The following PCDH15 variants were observed in gnomAD, a reference collection of about 807,000 sequenced individuals.
PCDH15 encodes the protein protocadherin-15.
A neutral mutation model predicts 178.5 loss-of-function variants in PCDH15; 129 were observed. The observed-to-expected ratio is 0.72, with a 90% confidence interval of 0.63 to 0.84. The LOEUF (loss-of-function observed/expected upper bound fraction) is 0.84, where lower values mean the gene tolerates loss of function less well. PCDH15 is among the 40% of genes least tolerant of loss of function. PCDH15 has a pLI of 0.00. For synonymous variants in PCDH15, 800 were observed against 732.0 expected (o/e 1.09, Z -1.50); for missense variants, 2,230 against 2,099.9 (o/e 1.06, Z -1.21).
intron 21 of PCDH15, among the ~76,000 whole-genome samples, chr10:53,963,905 C>T (rs1370780195): frequency 6.6e-6 from 1 of 152,106 alleles, no homozygotes; most frequent in Non-Finnish European, 1.5e-5. Flanking sequence ...CTGCTTAAAC[C>T]CTTCCAATGA....
intron 2 of PCDH15, among the ~76,000 whole-genome samples, chr10:55,403,411 C>T (rs1838121545): frequency 6.6e-6 from 1 of 151,350 alleles, no homozygotes; most frequent in Non-Finnish European, 1.5e-5. Context: ...CTTTTTATTA[C>T]CTGTTTATTT....
intron 2 of PCDH15, among the ~76,000 whole-genome samples, chr10:55,472,465 CTTTTTTTTTTTT>C (rs71014493): frequency 2.0e-5 from 2 of 99,770 alleles, no homozygotes; most frequent in African/African-American, 3.7e-5. Context: ...TTTGAATTAG[CTTTTTTTTTTTT>C]TTTTTTTTTT....
intron 2 of PCDH15, among the ~76,000 whole-genome samples, chr10:55,359,144 T>A (rs1845155419): frequency 6.6e-6 from 1 of 151,976 alleles, no homozygotes; most frequent in East Asian, 1.9e-4. Flanking sequence ...CTGCTGTGAG[T>A]TAGGGTGGCA....
chr10:54,781,997 G>A (rs887788639), intron 1 of PCDH15, among the ~76,000 whole-genome samples: 2 of 152,078 alleles, frequency 1.3e-5, no homozygotes, highest in African/African-American at 2.4e-5. Flanking sequence ...AATTCAAATA[G>A]GCTTGTAAGT....
At position 54,345,098 on chromosome 10, in the gene PCDH15, T is replaced by C. The variant is rs1943026774; in HGVS notation, c.594+1267A>G. On this transcript the variant is annotated intron_variant, in intron 6 of 37. Transcript: ENST00000644397. ...GAAACTGGATTTTACAGTTCAGAAG[T>C]AGTTTTCTAATATGACCCAAATCAC... is the stretch of plus-strand genomic sequence containing the variant. Among the ~76,000 whole-genome samples the C allele has an allele frequency of 2.0e-5, 3 of 151,724 alleles. No homozygotes were observed. In the South Asian group the frequency reaches 6.2e-4, roughly 31 times the overall value.
At chr10:54,999,717 C>G (rs944344851) in intron 2 of PCDH15, among the ~76,000 whole-genome samples, 1 of 152,142 alleles carries the variant, frequency 6.6e-6, no homozygotes, top group South Asian at 2.1e-4. Flanking sequence ...GAAAATTCAG[C>G]CAGATATCGG....
At chr10:55,171,309 T>C (rs1839326086) in intron 1 of PCDH15, among the ~76,000 whole-genome samples, 1 of 152,236 alleles carries the variant, frequency 6.6e-6, no homozygotes, top group Non-Finnish European at 1.5e-5. Context: ...TTTCACCAGC[T>C]TAGGCCTAAA....
chr10:54,475,480 C>T (rs1399714420), intron 3 of PCDH15, among the ~76,000 whole-genome samples: 1 of 151,940 alleles, frequency 6.6e-6, no homozygotes. Flanking sequence ...ACAGATTATG[C>T]ATGTAAAGCA....
At chr10:53,913,935 C>T (rs1252774726) in intron 25 of PCDH15, among the ~76,000 whole-genome samples, 5 of 151,970 alleles carry the variant, frequency 3.3e-5, no homozygotes, top group East Asian at 1.9e-4. Context: ...CAAACAACAC[C>T]GTCAAAAAGT....
At chr10:54,350,208 A>T (rs1370552050) in intron 5 of PCDH15, among the ~76,000 whole-genome samples, 12 of 152,172 alleles carry the variant, frequency 7.9e-5, no homozygotes, top group African/African-American at 2.9e-4. Flanking sequence ...TCTTTCATTC[A>T]TGGCTGTCTT....
At chr10:54,161,511 A>C (rs2045708566) in intron 13 of PCDH15, among the ~76,000 whole-genome samples, 2 of 152,058 alleles carry the variant, frequency 1.3e-5, no homozygotes, top group Admixed American at 1.3e-4. Flanking sequence ...CAACTGTCTA[A>C]ATTTACTAAA....
intron 2 of PCDH15, among the ~76,000 whole-genome samples, chr10:54,614,496 T>C (rs919615047): frequency 1.1e-4 from 16 of 152,018 alleles, no homozygotes; most frequent in African/African-American, 3.9e-4. Context: ...CTTTATCCCT[T>C]TGGAAGTTTT....
intron 1 of PCDH15, among the ~76,000 whole-genome samples, chr10:55,311,427 G>A (rs1843584329): frequency 6.6e-6 from 1 of 152,164 alleles, no homozygotes; most frequent in Non-Finnish European, 1.5e-5. Flanking sequence ...CTTGAATACA[G>A]TGATTACATC....
chr10:53,848,809 T>C (rs556696580), intron 28 of PCDH15, among the ~76,000 whole-genome samples: 1 of 152,180 alleles, frequency 6.6e-6, no homozygotes, highest in South Asian at 2.1e-4. Context: ...ATTTCTTTAA[T>C]GTATCTTTCG....
intron 3 of PCDH15, among the ~76,000 whole-genome samples, chr10:54,881,484 G>A (rs1011840706): frequency 2.0e-5 from 3 of 151,924 alleles, no homozygotes; most frequent in Non-Finnish European, 4.4e-5. Flanking sequence ...ACATATTAGG[G>A]TGTAGAAATA....
At chr10:54,538,679 G>T (rs1222129285) in intron 2 of PCDH15, among the ~76,000 whole-genome samples, 1 of 152,102 alleles carries the variant, frequency 6.6e-6, no homozygotes, top group Non-Finnish European at 1.5e-5. Context: ...TGCCCTTGCT[G>T]TTCTTGTGAT....
At chr10:55,413,761 TC>T (rs1469029777) in intron 2 of PCDH15, among the ~76,000 whole-genome samples, 1 of 151,696 alleles carries the variant, frequency 6.6e-6, no homozygotes, top group African/African-American at 2.4e-5. Flanking sequence ...CACTTTTTAA[TC>T]TCAGAAATCT....
At chr10:54,422,199 C>T (rs1222035839) in intron 3 of PCDH15, among the ~76,000 whole-genome samples, 1 of 151,746 alleles carries the variant, frequency 6.6e-6, no homozygotes, top group Non-Finnish European at 1.5e-5. Context: ...CACTTGATTT[C>T]CTTTACCACA....
chr10:54,086,247 A>C (rs1471471834), intron 16 of PCDH15, among the ~76,000 whole-genome samples: 1 of 152,128 alleles, frequency 6.6e-6, no homozygotes, highest in Non-Finnish European at 1.5e-5. Context: ...ATGGTGAGAA[A>C]GGAAGCAAGA....
Sources: gnomAD v4.1 joint callset for allele counts (sites outside exome capture counted in the v4.1 genomes callset) on GRCh38, gnomAD v4.1.1 for gene constraint, MANE v1.5 for transcripts, NCBI Gene and HGNC (gene_info 2026-07-23, HGNC 2026-07-21) for gene names.